Variants in VWC2L observed in about 807,000 individuals in gnomAD.
VWC2L encodes the protein von Willebrand factor C domain containing 2 like.
A neutral mutation model predicts 21.6 loss-of-function variants in VWC2L; 10 were observed. The observed-to-expected ratio is 0.46, with a 90% CI of 0.29 to 0.78. The LOEUF is 0.78. VWC2L is among the 30% of genes least tolerant of loss of function. The pLI, the probability that VWC2L is intolerant of heterozygous loss-of-function variation, is 0.10. For synonymous variants in VWC2L, 96 were observed against 94.3 expected (o/e 1.02, Z -0.10); for missense variants, 209 against 277.1 (o/e 0.75, Z 1.74).
chr2:214,449,483 G>A (rs1702921851), intron 3 of VWC2L, among the ~76,000 whole-genome samples: 1 of 152,190 alleles, frequency 6.6e-6, no homozygotes, highest in African/African-American at 2.4e-5. Context: ...GTTAATTCTA[G>A]ATATCACATT....
chr2:214,454,491 C>T (rs1429571454), intron 3 of VWC2L, among the ~76,000 whole-genome samples: 3 of 147,778 alleles, frequency 2.0e-5, no homozygotes, highest in African/African-American at 7.5e-5. Context: ...TTTTTTTACT[C>T]AGGAATTGAT....
intron 3 of VWC2L, among the ~76,000 whole-genome samples, chr2:214,449,826 G>A (rs1277461588): frequency 6.6e-6 from 1 of 152,256 alleles, no homozygotes; most frequent in African/African-American, 2.4e-5. Context: ...AGCCATAAAT[G>A]CTACTGTTTG....
At chr2:214,575,034 TAAAAAAA>T (rs3046806) in intron 3 of VWC2L, among the ~76,000 whole-genome samples, 115 of 118,446 alleles carry the variant, frequency 9.7e-4, no homozygotes, top group South Asian at 3.3e-3. Context: ...GGTCATTCTT[TAAAAAAA>T]AAAAAAAAAA....
At chr2:214,553,319 T>G (rs1017349283) in intron 3 of VWC2L, among the ~76,000 whole-genome samples, 1 of 152,254 alleles carries the variant, frequency 6.6e-6, no homozygotes, top group African/African-American at 2.4e-5. Flanking sequence ...CAGGGGATCA[T>G]GTGCCCAAAG....
intron 3 of VWC2L, among the ~76,000 whole-genome samples, chr2:214,461,173 T>C (rs767649025): frequency 2.0e-5 from 3 of 152,168 alleles, no homozygotes; most frequent in South Asian, 2.1e-4. Context: ...GTTCCTGTCC[T>C]TGGGCCCCTG....
chr2:214,517,172 AAC>A (rs1371874313), intron 3 of VWC2L, among the ~76,000 whole-genome samples: 1 of 152,206 alleles, frequency 6.6e-6, no homozygotes, highest in Non-Finnish European at 1.5e-5. Flanking sequence ...CTTAGCATGT[AAC>A]ACAGTTAATT....
At chr2:214,488,853 C>T (rs1276497653) in intron 3 of VWC2L, among the ~76,000 whole-genome samples, 2 of 152,044 alleles carry the variant, frequency 1.3e-5, no homozygotes. Context: ...GTGCCAGGCT[C>T]TTCTTTACAA....
chr2:214,426,803 A>G (rs1238989742), intron 2 of VWC2L, among the ~76,000 whole-genome samples: 1 of 152,192 alleles, frequency 6.6e-6, no homozygotes, highest in Admixed American at 6.5e-5. Context: ...GGGTGTATAT[A>G]TTTCCTATAT....
intron 3 of VWC2L, among the ~76,000 whole-genome samples, chr2:214,554,492 C>T (rs1308998921): frequency 3.9e-5 from 6 of 152,036 alleles, no homozygotes; most frequent in African/African-American, 1.4e-4. Flanking sequence ...GGAGAAACCC[C>T]ATCTCCACTA....
At chr2:214,508,069 C>T (rs993216152) in intron 3 of VWC2L, among the ~76,000 whole-genome samples, 4 of 152,052 alleles carry the variant, frequency 2.6e-5, no homozygotes, top group Non-Finnish European at 1.5e-5. Context: ...CTCCGCCTAC[C>T]GGGTTCACGC....
In VWC2L at chr2:214,574,711, AC is replaced by A. The variant is rs140785029; in HGVS notation, c.521-960del. Among the ~76,000 whole-genome samples the A allele has an allele frequency of 7.9e-3, 1,204 of 152,272 alleles. 14 individuals carry two copies. Among genetic ancestry groups the A allele is most frequent in the African/African-American group, 0.028 (1,164 of 41,564 alleles). On this transcript the variant is annotated intron_variant, in intron 3 of 3. Coordinates refer to ENST00000312504, the MANE Select transcript of VWC2L (RefSeq NM_001080500.4). Reference sequence around the variant, plus strand: ...AATACCAAATTGCTTCAAAGAAAGAACAATTTGTACCATCCTACTATAATCC... The same window carrying A: ...AATACCAAATTGCTTCAAAGAAAGAAAATTTGTACCATCCTACTATAATCC...
At chr2:214,574,011 G>A (rs888742072) in intron 3 of VWC2L, among the ~76,000 whole-genome samples, 4 of 152,134 alleles carry the variant, frequency 2.6e-5, no homozygotes, top group East Asian at 3.9e-4. Flanking sequence ...GTGTGATGGC[G>A]CTTGCCTGTA....
intron 3 of VWC2L, among the ~76,000 whole-genome samples, chr2:214,502,424 G>A (rs1459622104): frequency 6.6e-6 from 1 of 152,088 alleles, no homozygotes; most frequent in Admixed American, 6.5e-5. Flanking sequence ...ACAAAAATTA[G>A]CTGGGCATAG....
intron 3 of VWC2L, among the ~76,000 whole-genome samples, chr2:214,499,430 T>C (rs1038844517): frequency 6.7e-6 from 1 of 149,128 alleles, no homozygotes; most frequent in African/African-American, 2.5e-5. Context: ...AACAGACATA[T>C]TATTTTAACA....
At chr2:214,457,847 T>C (rs1435772136) in intron 3 of VWC2L, among the ~76,000 whole-genome samples, 1 of 152,152 alleles carries the variant, frequency 6.6e-6, no homozygotes, top group African/African-American at 2.4e-5. Context: ...CTTTTGCATA[T>C]GCCATTGAAT....
At chr2:214,568,933 A>C (rs1574642139) in intron 3 of VWC2L, among the ~76,000 whole-genome samples, 2 of 152,024 alleles carry the variant, frequency 1.3e-5, no homozygotes, top group African/African-American at 2.4e-5. Context: ...CCTCCTAGAA[A>C]TTACCTCCAC....
intron 3 of VWC2L, among the ~76,000 whole-genome samples, chr2:214,472,422 AT>A (rs755449130): frequency 1.3e-5 from 2 of 152,218 alleles, no homozygotes; most frequent in East Asian, 3.8e-4. Flanking sequence ...TCATAGAAAT[AT>A]TTTTTTAAAA....
intron 3 of VWC2L, among the ~76,000 whole-genome samples, chr2:214,553,618 T>C (rs1200736479): frequency 2.0e-5 from 3 of 152,180 alleles, no homozygotes; most frequent in Non-Finnish European, 4.4e-5. Context: ...TAAATGTTTT[T>C]TGTTTTATTT....
chr2:214,480,999 TGAGCTAAAGTAC>T (rs1688597109), intron 3 of VWC2L, among the ~76,000 whole-genome samples: 1 of 151,846 alleles, frequency 6.6e-6, no homozygotes, highest in African/African-American at 2.4e-5. Context: ...AAAGCCAAAC[TGAGCTAAAGTAC>T]TGAGCTAAGT....
Sources: allele counts gnomAD v4.1 joint callset (sites outside exome capture counted in the v4.1 genomes callset), GRCh38; gene constraint gnomAD v4.1.1; transcripts MANE v1.5; gene names NCBI Gene and HGNC (gene_info 2026-07-23, HGNC 2026-07-21).